SLIT3: variants seen among roughly 807,000 people sequenced by gnomAD.
SLIT3 encodes slit guidance ligand 3.
A neutral mutation model predicts 184.0 loss-of-function variants in SLIT3; 68 were observed. That is an observed-to-expected ratio of 0.37 (90% CI 0.30 to 0.45). The LOEUF (loss-of-function observed/expected upper bound fraction) is 0.45. Among genes scored for constraint, SLIT3 ranks in the 20% least tolerant of loss-of-function variants. The probability of loss-of-function intolerance (pLI) is 1.00; values close to 1 mark genes in which losing one functional copy is unlikely to be tolerated. For synonymous variants in SLIT3, 831 were observed against 828.6 expected, an observed-to-expected ratio of 1.00 and a Z score of -0.05; for missense variants, 1,707 against 2,026.0, an observed-to-expected ratio of 0.84 and a Z score of 3.02.
At chr5:169,178,439 A>C (rs297871) in intron 4 of SLIT3, among the ~76,000 whole-genome samples, 8,717 of 152,270 alleles carry the variant, frequency 0.057, 401 homozygotes, top group East Asian at 0.12. Context: ...GGCTCCTTAC[A>C]CACTGAACGG....
intron 13 of SLIT3, among the ~76,000 whole-genome samples, 169 bp downstream of exon 13, chr5:168,774,066 T>C (rs1202254052): frequency 4.6e-5 from 7 of 152,328 alleles, no homozygotes; most frequent in African/African-American, 1.7e-4. Context: ...ACAGTGTAAG[T>C]GCTTGGTACT....
At chr5:168,887,029 T>TTGCTAC (rs1408825365) in intron 4 of SLIT3, among the ~76,000 whole-genome samples, 1 of 152,050 alleles carries the variant, frequency 6.6e-6, no homozygotes, top group Non-Finnish European at 1.5e-5. Context: ...AAATTTATTA[T>TTGCTAC]TGCTTCATCT....
At position 168,762,615 on chromosome 5, in the gene SLIT3, C is replaced by G; in HGVS notation, c.1534G>C (p.Glu512Gln). 1 of 1,614,094 alleles carries G rather than the reference C, an allele frequency of 6.2e-7. No individual in the cohort carries two copies. Among genetic ancestry groups the G allele is most frequent in the East Asian group, 2.2e-5 (1 of 44,866 alleles). Residue 512 changes from glutamate (E) to glutamine (Q), a missense_variant, in exon 15 of 36, where the codon GAG (glutamate) becomes CAG (glutamine). Glu to Gln is a conservative substitution (Grantham distance 29). Transcript: ENST00000519560. ...TTGGAGCAGTCCACAATCGTGCCCT[C>G]ACAGCGACACTTCTCGGGGCACACG... is the stretch of plus-strand genomic sequence containing the variant. ...DLVCPEKCRCEGTIVDCSNQK... is the reference protein window; with the variant it reads ...DLVCPEKCRCQGTIVDCSNQK...
At chr5:168,875,061 A>AAGAAGGGAGGAAGAGGGGG (rs1434382956) in intron 5 of SLIT3, among the ~76,000 whole-genome samples, 52 of 100,852 alleles carry the variant, frequency 5.2e-4, no homozygotes, top group African/African-American at 1.9e-3. Context: ...GGAAGAAAGG[A>AAGAAGGGAGGAAGAGGGGG]AGGAAAGAAG....
intron 3 of SLIT3, among the ~76,000 whole-genome samples, chr5:169,241,955 A>C (rs1765418480): frequency 6.6e-6 from 1 of 152,148 alleles, no homozygotes; most frequent in Non-Finnish European, 1.5e-5. Context: ...ACCCTCCAGA[A>C]ATGAAGTATT....
At chr5:168,679,684 G>C (rs1428060378) in intron 32 of SLIT3, among the ~76,000 whole-genome samples, 1 of 152,088 alleles carries the variant, frequency 6.6e-6, no homozygotes, top group East Asian at 1.9e-4. Flanking sequence ...GGGATTTCGG[G>C]TAGGCAGCAA....
chr5:168,963,087 G>A (rs1018786958), intron 4 of SLIT3, among the ~76,000 whole-genome samples: 64 of 152,182 alleles, frequency 4.2e-4, no homozygotes, highest in African/African-American at 1.5e-3. Flanking sequence ...GCGAGGGGTT[G>A]GCGAACTATG....
intron 3 of SLIT3, among the ~76,000 whole-genome samples, chr5:169,194,117 C>G (rs773922849): frequency 2.6e-5 from 4 of 151,446 alleles, no homozygotes; most frequent in African/African-American, 4.9e-5. Context: ...TGCCTGTAGT[C>G]CCAGCTACTT....
intron 4 of SLIT3, among the ~76,000 whole-genome samples, chr5:169,159,957 G>A (rs76656985): frequency 0.046 from 7,042 of 152,164 alleles, 215 homozygotes; most frequent in East Asian, 0.097. Context: ...TTAGACTACT[G>A]GGATAAGGCC....
chr5:168,883,398 A>C (rs2113790687), intron 4 of SLIT3, 62 bp from the exon 5 acceptor site: 1,985 of 1,234,012 alleles, frequency 1.6e-3, no homozygotes, highest in Non-Finnish European at 2.2e-3. Context: ...TCTGCATCTC[A>C]TTAAATGATA....
intron 11 of SLIT3, among the ~76,000 whole-genome samples, chr5:168,786,282 T>C (rs535661110): frequency 9.2e-5 from 14 of 152,166 alleles, no homozygotes; most frequent in African/African-American, 3.1e-4. Flanking sequence ...CTCCCTAAGC[T>C]GCTAATATGA....
chr5:168,806,890 A>G (rs774919917), intron 8 of SLIT3, among the ~76,000 whole-genome samples: 1 of 152,214 alleles, frequency 6.6e-6, no homozygotes, highest in Non-Finnish European at 1.5e-5. Context: ...ATATGCTGCC[A>G]GAATCCAAAG....
At chr5:168,935,089 C>T (rs1025452242) in intron 4 of SLIT3, among the ~76,000 whole-genome samples, 3 of 142,378 alleles carry the variant, frequency 2.1e-5, no homozygotes, top group South Asian at 2.2e-4. Context: ...AGGGAGCCGA[C>T]ATCGCACCAC....
intron 4 of SLIT3, among the ~76,000 whole-genome samples, chr5:168,970,673 A>G (rs1754547508): frequency 6.6e-6 from 1 of 152,088 alleles, no homozygotes; most frequent in Admixed American, 6.5e-5. Context: ...GTTGTGGGGT[A>G]TCTCAAACTC....
chr5:168,916,784 C>G (rs1283186712), intron 4 of SLIT3, among the ~76,000 whole-genome samples: 1 of 152,204 alleles, frequency 6.6e-6, no homozygotes, highest in Non-Finnish European at 1.5e-5. Flanking sequence ...ATGTATTTCT[C>G]AGTCTTAAGG....
intron 3 of SLIT3, among the ~76,000 whole-genome samples, chr5:169,195,992 A>G (rs1183904504): frequency 2.0e-5 from 3 of 152,158 alleles, no homozygotes; most frequent in Non-Finnish European, 2.9e-5. Context: ...AATCTCCAGA[A>G]CTTTTTCATC....
intron 4 of SLIT3, among the ~76,000 whole-genome samples, chr5:169,006,603 TCTCACA>T (rs1007926140): frequency 1.3e-5 from 2 of 148,544 alleles, no homozygotes; most frequent in African/African-American, 5.0e-5. Flanking sequence ...TCTCTCTCTC[TCTCACA>T]CACACACACA....
At chr5:169,075,710 C>T (rs1225080004) in intron 4 of SLIT3, among the ~76,000 whole-genome samples, 1 of 152,188 alleles carries the variant, frequency 6.6e-6, no homozygotes, top group African/African-American at 2.4e-5. Flanking sequence ...TGATGAACCA[C>T]AGCACACTCT....
intron 4 of SLIT3, among the ~76,000 whole-genome samples, chr5:168,939,121 A>T (rs1762253748): frequency 1.3e-5 from 2 of 152,310 alleles, no homozygotes; most frequent in Non-Finnish European, 1.5e-5. Flanking sequence ...CCGGAAACAC[A>T]GACTAAAAGA....
Sources: gnomAD v4.1 joint callset for allele counts (sites outside exome capture counted in the v4.1 genomes callset) on GRCh38, gnomAD v4.1.1 for gene constraint, MANE v1.5 for transcripts, NCBI Gene and HGNC (gene_info 2026-07-23, HGNC 2026-07-21) for gene names.